The following PHF20L1 variants were observed in gnomAD, a reference collection of about 807,000 sequenced individuals.
PHF20L1 encodes PHD finger protein 20-like protein 1.
In PHF20L1, 44 loss-of-function variants were observed where a neutral mutation model predicts 125.5. That is an observed-to-expected ratio of 0.35 (90% CI 0.28 to 0.45). PHF20L1 has a LOEUF of 0.45. PHF20L1 is among the 20% of genes least tolerant of loss of function. The probability of loss-of-function intolerance (pLI) is 1.00; values close to 1 mark genes in which losing one functional copy is unlikely to be tolerated. For synonymous variants in PHF20L1, 380 were observed against 403.1 expected (o/e 0.94, Z 0.69); for missense variants, 1,012 against 1,217.2 (o/e 0.83, Z 2.51).
chr8:132,792,569 T>C (rs1043610963), intron 2 of PHF20L1, among the ~76,000 whole-genome samples: 25 of 152,302 alleles, frequency 1.6e-4, no homozygotes, highest in Middle Eastern at 3.4e-3. Context: ...AATGAGCAAA[T>C]TGCCTTTCTT....
intron 2 of PHF20L1, among the ~76,000 whole-genome samples, chr8:132,792,153 A>G (rs1831796332): frequency 6.6e-6 from 1 of 152,230 alleles, no homozygotes; most frequent in Non-Finnish European, 1.5e-5. Context: ...TGTAAATGAT[A>G]GGACAAATTA....
intron 12 of PHF20L1, among the ~76,000 whole-genome samples, chr8:132,822,735 A>G (rs946349709): frequency 2.0e-5 from 3 of 151,928 alleles, no homozygotes; most frequent in Admixed American, 1.3e-4. Context: ...ATTCTTATTT[A>G]GGTTTAAACT....
chr8:132,845,806 A>G lies in PHF20L1; in HGVS notation c.2937A>G (p.Thr979=). The G allele has an allele frequency of 2.5e-6, 4 of 1,610,298 alleles. No homozygotes were observed. The highest frequency in any genetic ancestry group is 2.2e-5 in the East Asian group (1 of 44,850). The change falls in exon 21 of 21, where the codon ACA becomes ACG. Residue 979 remains threonine, a synonymous_variant. Transcript: ENST00000395386. ...TTCTGGAAAGCTGGCTTGATTTCACAGGGGAGTTGGAGCCACCAGATCCTC... is the reference window on the plus strand; with the variant it reads ...TTCTGGAAAGCTGGCTTGATTTCACGGGGGAGTTGGAGCCACCAGATCCTC... The part of the protein sequence containing the change: ...VDVLESWLDF[T]GELEPPDPLA...
At chr8:132,789,358 A>G (rs187542233) in intron 2 of PHF20L1, among the ~76,000 whole-genome samples, 65 of 152,248 alleles carry the variant, frequency 4.3e-4, no homozygotes, top group Non-Finnish European at 9.0e-4. Context: ...GGTGAAAAAA[A>G]TTTTATTCTT....
At chr8:132,792,964 C>CTTTTTTTTTT (rs370724463) in intron 2 of PHF20L1, among the ~76,000 whole-genome samples, 3 of 129,610 alleles carry the variant, frequency 2.3e-5, no homozygotes, top group Non-Finnish European at 3.2e-5. Context: ...CCCCTTTTTT[C>CTTTTTTTTTT]TTTTTTTTTT....
chr8:132,794,700 C>G, intron 3 of PHF20L1, 33 bp from the exon 4 acceptor site: 1 of 1,531,310 alleles, frequency 6.5e-7, no homozygotes, highest in Non-Finnish European at 9.0e-7. Flanking sequence ...ATTTAATATA[C>G]ATGGAATTGA....
At chr8:132,808,316 A>G (rs1353734999) in intron 8 of PHF20L1, 2 of 152,218 alleles carry the variant, frequency 1.3e-5, no homozygotes, top group Non-Finnish European at 2.9e-5. Context: ...AGGGATTTTA[A>G]TAAACTGGGT....
chr8:132,834,956 C>A (rs1050990214), intron 15 of PHF20L1, among the ~76,000 whole-genome samples: 1 of 151,862 alleles, frequency 6.6e-6, no homozygotes, highest in African/African-American at 2.4e-5. Context: ...ACAAAACATT[C>A]AAAAACATTG....
At chr8:132,834,143 C>T (rs1052427981) in intron 15 of PHF20L1, among the ~76,000 whole-genome samples, 1 of 152,044 alleles carries the variant, frequency 6.6e-6, no homozygotes, top group Non-Finnish European at 1.5e-5. Context: ...ACATAACTTT[C>T]AGCTCTGTCA....
intron 4 of PHF20L1, among the ~76,000 whole-genome samples, chr8:132,798,131 T>C (rs1832632241): frequency 6.6e-6 from 1 of 152,008 alleles, no homozygotes; most frequent in African/African-American, 2.4e-5. Context: ...CAGATGAGAT[T>C]GGAAGTATTA....
At chr8:132,827,602 T>C (rs1051394705) in intron 14 of PHF20L1, among the ~76,000 whole-genome samples, 7 of 151,980 alleles carry the variant, frequency 4.6e-5, no homozygotes, top group Admixed American at 2.6e-4. Flanking sequence ...TAGCAAAATA[T>C]GAGGGCTAGA....
At position 132,845,851 on chromosome 8, in the gene PHF20L1, T is replaced by A. The variant is rs550543003; in HGVS notation, c.2982T>A (p.Leu994=). 2.5e-6 allele frequency: 4 copies of A among 1,611,746 alleles called. No individual in the cohort carries two copies. In the African/African-American group the frequency reaches 5.3e-5, roughly 22 times the overall value. The change falls in exon 21 of 21, where the codon CTT becomes CTA. Residue 994 remains leucine, a synonymous_variant. Coordinates refer to ENST00000395386, the MANE Select transcript of PHF20L1 (RefSeq NM_016018.5). ...PPDPLARLPQ[L]KRHIKQLLID... Reference sequence around the variant, plus strand: ...ATCCTCTTGCAAGATTGCCCCAACTTAAACGCCACATAAAACAGCTCCTAA... The same window carrying A: ...ATCCTCTTGCAAGATTGCCCCAACTAAAACGCCACATAAAACAGCTCCTAA...
At chr8:132,794,072 A>T (rs1832105695) in intron 2 of PHF20L1, among the ~76,000 whole-genome samples, 1 of 152,280 alleles carries the variant, frequency 6.6e-6, no homozygotes, top group East Asian at 1.9e-4. Context: ...GTTATTATAA[A>T]TAATGTTTTC....
chr8:132,824,843 C>T (rs1835983675), intron 13 of PHF20L1: 4 of 240,726 alleles, frequency 1.7e-5, no homozygotes, highest in South Asian at 6.0e-5. Context: ...TAAAGCTTAT[C>T]CAAAGCAAAA....
At chr8:132,820,176 A>T (rs745553055) in intron 12 of PHF20L1, among the ~76,000 whole-genome samples, 2 of 151,814 alleles carry the variant, frequency 1.3e-5, no homozygotes, top group African/African-American at 4.8e-5. Context: ...GTAAAAATTG[A>T]TGCCTTTGTT....
rs1443965808 is a variant in PHF20L1 at position 132,842,858 on chromosome 8, C to T, written c.2731C>T (p.His911Tyr). ...KNSLQYSAKE[H>Y]GMPEKNPAEG... is the part of the protein sequence containing the mutation. Reference sequence around the variant, plus strand: ...CAGTTTACAGTACTCAGCAAAAGAACATGGAATGCCTGAAAAGGTAAAACT... The same window carrying T: ...CAGTTTACAGTACTCAGCAAAAGAATATGGAATGCCTGAAAAGGTAAAACT... Residue 911 changes from histidine to tyrosine, a missense_variant, in exon 19 of 21, where the codon CAT (histidine) becomes TAT (tyrosine). Around this residue, in one of 7 missense-constraint regions of PHF20L1, gnomAD observed 277 missense variants for 283.6 expected, o/e 0.98. Transcript: ENST00000395386. The T allele has an allele frequency of 6.2e-7, 1 of 1,605,774 alleles. No homozygotes were observed. Among genetic ancestry groups the T allele is most frequent in the Non-Finnish European group, 8.5e-7 (1 of 1,175,998 alleles).
Position 132,844,202 on chromosome 8 carries a change from G to A in PHF20L1, c.2795G>A (p.Gly932Asp), listed in dbSNP as rs760631142. 3 of 1,612,886 alleles carry A rather than the reference G, an allele frequency of 1.9e-6. No individual in the cohort carries two copies. The highest frequency in any genetic ancestry group is 2.5e-6 in the Non-Finnish European group (3 of 1,179,206). The change falls in exon 20 of 21, where the codon GGC becomes GAC. Residue 932 changes from glycine to aspartate, a missense_variant. By Grantham distance (94) the Gly-to-Asp change is moderately conservative. Around this residue, in one of 7 missense-constraint regions of PHF20L1, gnomAD observed 277 missense variants for 283.6 expected, o/e 0.98. Coordinates refer to ENST00000395386, the MANE Select transcript of PHF20L1 (RefSeq NM_016018.5). ...NTVFVYNDKK[G>D]TEDPGDSHLQ... is the part of the protein sequence containing the mutation. ...GTATTTGTTTATAATGATAAAAAGG[G>A]CACCGAAGACCCAGGAGACTCACAT...
At position 132,803,945 on chromosome 8, in the gene PHF20L1, C is replaced by T; in HGVS notation, c.634C>T (p.Pro212Ser). 1.2e-6 allele frequency: 2 copies of T among 1,611,726 alleles called. No homozygotes were observed. The highest frequency in any genetic ancestry group is 1.7e-6 in the Non-Finnish European group (2 of 1,178,304). Residue 212 changes from proline (P) to serine (S), a missense_variant, in exon 7 of 21, where the codon CCT (proline) becomes TCT (serine). Pro to Ser is a moderately conservative substitution (Grantham distance 74). Transcript: ENST00000395386. The part of the protein sequence containing the change: ...DKDERKWFKV[P>S]SKKEETSTCI... ...AGATGAGAGAAAGTGGTTTAAAGTA[C>T]CTTCAAAGAAGGAGGAAACTTCAAC...
Position 132,777,915 on chromosome 8 carries a change from T to C in PHF20L1, c.83+4T>C. 6.4e-7 allele frequency: 1 copy of C among 1,572,898 alleles called. No individual in the cohort carries two copies. Among genetic ancestry groups the C allele is most frequent in the Non-Finnish European group, 8.8e-7 (1 of 1,142,840 alleles). ...CACTGGACTACTTACAAAAATGGTA[T>C]GGAAAATATAGAACTTTCACCTAAA... On this transcript the variant is annotated splice_donor_region_variant and intron_variant, in intron 2 of 20. Transcript: ENST00000395386.
Sources: gnomAD v4.1 joint callset for allele counts (sites outside exome capture counted in the v4.1 genomes callset) on GRCh38, gnomAD v4.1.1 for gene constraint, gnomAD v4.1.1 regional missense constraint, MANE v1.5 for transcripts, NCBI Gene and HGNC (gene_info 2026-07-23, HGNC 2026-07-21) for gene names.